BCL2L13: variants seen among roughly 807,000 people sequenced by gnomAD.
BCL2L13 encodes the protein BCL2 like 13.
A neutral mutation model predicts 25.8 loss-of-function variants in BCL2L13; 13 were observed. The observed-to-expected ratio is 0.50, with a 90% CI of 0.33 to 0.80. BCL2L13 has a LOEUF of 0.80. Ranked by LOEUF, BCL2L13 falls within the 30% of genes least tolerant of loss-of-function variation. The probability of loss-of-function intolerance (pLI) is 0.02; values close to 1 mark genes in which losing one functional copy is unlikely to be tolerated. For synonymous variants in BCL2L13, 244 were observed against 230.3 expected (o/e 1.06, Z -0.54); for missense variants, 504 against 574.9 (o/e 0.88, Z 1.26).
intron 6 of BCL2L13, among the ~76,000 whole-genome samples, chr22:17,711,687 G>A (rs936860901): frequency 6.6e-6 from 1 of 152,108 alleles, no homozygotes; most frequent in Admixed American, 6.5e-5. Context: ...TAGTGTTTTC[G>A]TTATGACTCT....
intron 1 of BCL2L13, 142 bp downstream of exon 1, chr22:17,639,028 A>G (rs984181736): frequency 2.9e-6 from 2 of 678,936 alleles, no homozygotes; most frequent in African/African-American, 1.9e-5. Flanking sequence ...GTGTGTCTAC[A>G]CCGGCGCTCC....
intron 1 of BCL2L13, among the ~76,000 whole-genome samples, chr22:17,632,051 G>A (rs1040827336): frequency 3.9e-5 from 6 of 151,992 alleles, no homozygotes; most frequent in African/African-American, 1.5e-4. Flanking sequence ...GTTAATACAT[G>A]CTGCCATTTT....
chr22:17,693,444 A>G (rs1039256223), intron 4 of BCL2L13, among the ~76,000 whole-genome samples: 2 of 140,836 alleles, frequency 1.4e-5, no homozygotes, highest in Admixed American at 7.8e-5. Context: ...CAGTGGTGCA[A>G]TCTCGGCTCA....
chr22:17,654,570 C>T (rs896642852), intron 1 of BCL2L13, among the ~76,000 whole-genome samples: 1 of 151,826 alleles, frequency 6.6e-6, no homozygotes, highest in African/African-American at 2.4e-5. Context: ...CTACAGGTGC[C>T]CGCCATCACG....
At chr22:17,648,864 A>C (rs2058582577) in intron 1 of BCL2L13, among the ~76,000 whole-genome samples, 1 of 152,204 alleles carries the variant, frequency 6.6e-6, no homozygotes, top group Non-Finnish European at 1.5e-5. Flanking sequence ...TTGGGTTGGC[A>C]AACGACTTCA....
chr22:17,645,201 CT>C (rs2058430166), intron 1 of BCL2L13, among the ~76,000 whole-genome samples: 1 of 147,126 alleles, frequency 6.8e-6, no homozygotes, highest in Non-Finnish European at 1.5e-5. Context: ...TGCATATTTG[CT>C]TTACATAAGA....
chr22:17,720,154 TTTTCTTTCTTTC>T (rs113046030), intron 6 of BCL2L13, among the ~76,000 whole-genome samples: 1 of 141,736 alleles, frequency 7.1e-6, no homozygotes, highest in Non-Finnish European at 1.5e-5. Context: ...GTGGGTTTCA[TTTTCTTTCTTTC>T]TTTCTTTCTT....
rs748244826 is a variant in BCL2L13 at position 17,689,048 on chromosome 22, A to G, written c.292A>G (p.Ser98Gly). The G allele has an allele frequency of 1.2e-6, 2 of 1,614,152 alleles. No homozygotes were observed. Among genetic ancestry groups the G allele is most frequent in the East Asian group, 2.2e-5 (1 of 44,882 alleles). ...SPVFSPANPE[S>G]SMEDCLAHLG... Reference sequence around the variant, plus strand: ...AGTGTTCAGCCCTGCCAATCCAGAAAGCTCAATGGAAGACTGCTTGGCCCA... The same window carrying G: ...AGTGTTCAGCCCTGCCAATCCAGAAGGCTCAATGGAAGACTGCTTGGCCCA... Residue 98 changes from serine (S) to glycine (G), a missense_variant, in exon 4 of 7, where the codon AGC becomes GGC. Transcript: ENST00000317582.
At chr22:17,722,348 C>T (rs1472987799) in intron 6 of BCL2L13, among the ~76,000 whole-genome samples, 2 of 148,908 alleles carry the variant, frequency 1.3e-5, no homozygotes, top group Non-Finnish European at 3.0e-5. Flanking sequence ...CCCATTTCAG[C>T]CTCCTGAGTT....
At chr22:17,714,167 C>T (rs1186312042) in intron 6 of BCL2L13, among the ~76,000 whole-genome samples, 2 of 152,046 alleles carry the variant, frequency 1.3e-5, no homozygotes, top group Admixed American at 1.3e-4. Flanking sequence ...GTGGCGGGCA[C>T]CTGTAGTCCC....
intron 1 of BCL2L13, among the ~76,000 whole-genome samples, chr22:17,642,597 ATTT>A (rs58376155): frequency 7.0e-6 from 1 of 143,672 alleles, no homozygotes. Context: ...GTTGATGGGC[ATTT>A]TTTTTTTTTT....
intron 3 of BCL2L13, among the ~76,000 whole-genome samples, chr22:17,686,290 A>G (rs1177995623): frequency 6.6e-6 from 1 of 151,776 alleles, no homozygotes; most frequent in African/African-American, 2.4e-5. Context: ...CTCTATAAAA[A>G]TACAAAAAAA....
At chr22:17,636,059 C>G (rs182697108), upstream of BCL2L13, among the ~76,000 whole-genome samples, 311 of 149,626 alleles carry the variant, frequency 2.1e-3, 1 homozygote, top group African/African-American at 7.6e-3. Context: ...GGCGGTGGCT[C>G]ACGCCTGTAA....
chr22:17,696,140 G>C lies in BCL2L13; in HGVS notation c.387-1G>C. 6.2e-7 allele frequency: 1 copy of C among 1,612,540 alleles called. No individual in the cohort carries two copies. The highest frequency in any genetic ancestry group is 8.5e-7 in the Non-Finnish European group (1 of 1,178,710). On this transcript the variant is annotated splice_acceptor_variant, in intron 4 of 6. Transcript: ENST00000317582. LOFTEE classifies it high-confidence loss of function. ...ACAGACTTTTAAAAAAATCTCTACA[G>C]GCCAGTGACATATCAGGCATTTCGG...
chr22:17,662,976 A>G (rs1054162689), intron 2 of BCL2L13, among the ~76,000 whole-genome samples: 4 of 151,746 alleles, frequency 2.6e-5, no homozygotes, highest in African/African-American at 9.7e-5. Context: ...GGCTCAAGCA[A>G]TTCTCCCATC....
chr22:17,651,326 CTT>C (rs1327030291), intron 1 of BCL2L13, among the ~76,000 whole-genome samples: 1 of 151,564 alleles, frequency 6.6e-6, no homozygotes, highest in Non-Finnish European at 1.5e-5. Flanking sequence ...ATTTGATTGA[CTT>C]ATACAGAATA....
Position 17,727,499 on chromosome 22 carries a change from G to T in BCL2L13, c.1423G>T (p.Ala475Ser). The T allele has an allele frequency of 6.2e-7, 1 of 1,614,232 alleles. No individual in the cohort carries two copies. Among genetic ancestry groups the T allele is most frequent in the East Asian group, 2.2e-5 (1 of 44,876 alleles). The change falls in exon 7 of 7, where the codon GCC (alanine) becomes TCC (serine). Residue 475 changes from alanine (A) to serine (S), a missense_variant. By Grantham distance (99) the Ala-to-Ser change is moderately conservative. Transcript: ENST00000317582. ...TGCTGCTGTTGCCATCCTGGCAGTG[G>T]CCATCGGGGTAGCCCTGGCTCTGAG... Reference protein sequence around the residue: ...GAAAVAILAVAIGVALALRKK With the variant: ...GAAAVAILAVSIGVALALRKK
chr22:17,683,571 T>G (rs1427724227), intron 3 of BCL2L13, among the ~76,000 whole-genome samples: 1 of 152,226 alleles, frequency 6.6e-6, no homozygotes, highest in Non-Finnish European at 1.5e-5. Context: ...AAGTATCGGA[T>G]AAATGATCAT....
intron 6 of BCL2L13, among the ~76,000 whole-genome samples, chr22:17,714,997 A>G (rs1244196296): frequency 1.3e-5 from 2 of 151,366 alleles, no homozygotes; most frequent in Non-Finnish European, 2.9e-5. Flanking sequence ...TAAGGAAAAG[A>G]AAAGAATGTT....
Sources: allele counts gnomAD v4.1 joint callset (sites outside exome capture counted in the v4.1 genomes callset), GRCh38; gene constraint gnomAD v4.1.1; transcripts MANE v1.5; gene names NCBI Gene and HGNC (gene_info 2026-07-23, HGNC 2026-07-21).